The following TTC6 variants were observed in gnomAD, a reference collection of about 807,000 sequenced individuals.
The protein encoded by TTC6 is tetratricopeptide repeat protein 6.
Under a neutral mutation model 210.4 loss-of-function variants are expected in TTC6, and 172 were observed. The observed-to-expected ratio is 0.82, with a 90% CI of 0.72 to 0.93. TTC6 has a LOEUF of 0.93. TTC6 is among the 40% of genes least tolerant of loss of function. TTC6 has a pLI of 0.00. For missense variants in TTC6, 2,414 were observed against 2,318.1 expected, an observed-to-expected ratio of 1.04 and a Z score of -0.85; for synonymous variants, 804 against 819.6, an observed-to-expected ratio of 0.98 and a Z score of 0.32.
At chr14:37,785,114 C>T (rs530573583) in intron 14 of TTC6, among the ~76,000 whole-genome samples, 1 of 152,278 alleles carries the variant, frequency 6.6e-6, no homozygotes, top group South Asian at 2.1e-4. Context: ...AGTTGCTCTT[C>T]TCAAGGGGTA....
At chr14:37,701,200 T>C (rs759103051) in intron 4 of TTC6, 132 bp from the exon 7 acceptor site, 34 of 580,132 alleles carry the variant, frequency 5.9e-5, no homozygotes, top group Non-Finnish European at 8.4e-5. Context: ...ATACCATTAT[T>C]ATAGTTTTAA....
chr14:37,826,405 G>A (rs2096171694), intron 28 of TTC6, 58 bp downstream of exon 30: 4 of 1,369,746 alleles, frequency 2.9e-6, no homozygotes, highest in Non-Finnish European at 2.9e-6. Context: ...TCAATGAATA[G>A]GTGCAAGTAA....
chr14:37,842,394 G>A (rs370898742), exon 31 of TTC6: 15 of 1,056,996 alleles, frequency 1.4e-5, no homozygotes, highest in African/African-American at 1.3e-4. Context: ...TATTGTATTC[G>A]TTATGCTTAG....
At position 37,649,005 on chromosome 14, in the gene TTC6, A is replaced by AC. The variant is rs1055248024; in HGVS notation, c.939+26008dup. On this transcript the variant is annotated intron_variant, in intron 1 of 30. Coordinates refer to ENST00000553443, the Ensembl canonical transcript of TTC6. Reference sequence around the variant, plus strand: ...ACAATTTGGAGATCCACACCTCCCCACCCCCCAGGATATATAGAGTTTCTT... The same window carrying AC: ...ACAATTTGGAGATCCACACCTCCCCACCCCCCCAGGATATATAGAGTTTCTT... Among the ~76,000 whole-genome samples the AC allele has an allele frequency of 5.3e-4, 81 of 151,580 alleles. 1 individual carries two copies. The highest frequency in any genetic ancestry group is 1.8e-3 in the African/African-American group (76 of 41,280).
At chr14:37,828,217 A>C (rs2096176795) in intron 29 of TTC6, among the ~76,000 whole-genome samples, 1 of 151,964 alleles carries the variant, frequency 6.6e-6, no homozygotes, top group East Asian at 1.9e-4. Flanking sequence ...CTATTTTTTG[A>C]ATTTATTTCA....
At chr14:37,766,803 T>A (rs191513761) in intron 14 of TTC6, among the ~76,000 whole-genome samples, 9 of 152,300 alleles carry the variant, frequency 5.9e-5, no homozygotes, top group East Asian at 3.9e-4. Context: ...TTCTTTTTTT[T>A]ATTTTTTATT....
At chr14:37,616,229 T>C (rs1322239074) in intron 2 of TTC6, among the ~76,000 whole-genome samples, 1 of 152,218 alleles carries the variant, frequency 6.6e-6, no homozygotes, top group Non-Finnish European at 1.5e-5. Context: ...CTCTTCCTTC[T>C]GGAATTTCTC....
chr14:37,627,381 G>A (rs1464216072), intron 1 of TTC6, among the ~76,000 whole-genome samples: 1 of 151,792 alleles, frequency 6.6e-6, no homozygotes, highest in African/African-American at 2.4e-5. Flanking sequence ...ATATAGAAGT[G>A]TCATGGTGGT....
chr14:37,787,093 A>G (rs974445388), intron 14 of TTC6, among the ~76,000 whole-genome samples: 50 of 152,160 alleles, frequency 3.3e-4, no homozygotes, highest in African/African-American at 1.2e-3. Flanking sequence ...TGCAAAATGG[A>G]TTATTTTGCT....
At chr14:37,639,715 CAAAAAAA>C (rs35837305) in intron 1 of TTC6, among the ~76,000 whole-genome samples, 12 of 74,186 alleles carry the variant, frequency 1.6e-4, no homozygotes, top group South Asian at 4.4e-4. Context: ...ACAAGAAATA[CAAAAAAA>C]AAAAAAAAAA....
At chr14:37,632,993 A>C (rs2095672958) in intron 1 of TTC6, among the ~76,000 whole-genome samples, 2 of 152,206 alleles carry the variant, frequency 1.3e-5, no homozygotes, top group Non-Finnish European at 2.9e-5. Context: ...TGAGTGTCCC[A>C]GGTTGACTTC....
exon 20 of TTC6, chr14:37,796,907 C>T (rs1566961152): frequency 6.2e-7 from 1 of 1,605,724 alleles, no homozygotes; most frequent in Non-Finnish European, 8.5e-7. Flanking sequence ...ACCATGTGTG[C>T]TCTATTAGCA....
intron 25 of TTC6, 63 bp from the exon 28 acceptor site, chr14:37,817,515 A>G (rs952850696): frequency 1.4e-6 from 2 of 1,425,392 alleles, no homozygotes; most frequent in African/African-American, 1.4e-5. Context: ...AGTTAGAAGG[A>G]AGTTTAAGAT....
intron 14 of TTC6, among the ~76,000 whole-genome samples, chr14:37,757,818 A>G (rs188611173): frequency 1.5e-3 from 226 of 152,254 alleles, no homozygotes; most frequent in African/African-American, 5.3e-3. Context: ...TCTTGTGGGC[A>G]TTTAGTGCTA....
At chr14:37,666,779 C>G (rs2095749005) in intron 1 of TTC6, among the ~76,000 whole-genome samples, 1 of 150,230 alleles carries the variant, frequency 6.7e-6, no homozygotes, top group African/African-American at 2.4e-5. Flanking sequence ...CTGGTAAGGT[C>G]CACAGCAATT....
intron 12 of TTC6, among the ~76,000 whole-genome samples, chr14:37,750,464 G>A (rs772312112): frequency 6.6e-5 from 10 of 152,042 alleles, no homozygotes; most frequent in South Asian, 2.1e-4. Flanking sequence ...AAAGGATTAC[G>A]AAAAAACATT....
intron 7 of TTC6, among the ~76,000 whole-genome samples, chr14:37,732,393 C>T (rs1266585765): frequency 1.3e-5 from 2 of 150,980 alleles, no homozygotes; most frequent in Non-Finnish European, 2.9e-5. Context: ...CCGTGTTAGC[C>T]AGGATGGTGT....
At chr14:37,777,501 T>C (rs58001960) in intron 14 of TTC6, among the ~76,000 whole-genome samples, 8,786 of 152,266 alleles carry the variant, frequency 0.058, 568 homozygotes, top group East Asian at 0.17. Context: ...ATCTGCTGTA[T>C]CATTTTATTG....
At chr14:37,644,702 GAGCAC>G (rs1049161906) in intron 1 of TTC6, among the ~76,000 whole-genome samples, 4 of 152,110 alleles carry the variant, frequency 2.6e-5, no homozygotes, top group Non-Finnish European at 4.4e-5. Context: ...AAAGTTTTTT[GAGCAC>G]CTGCAATATT....
Sources: allele counts gnomAD v4.1 joint callset (sites outside exome capture counted in the v4.1 genomes callset), GRCh38; gene constraint gnomAD v4.1.1; transcripts MANE v1.5; gene names NCBI Gene and HGNC (gene_info 2026-07-23, HGNC 2026-07-21).